Variants in HSF2BP observed in about 807,000 individuals in gnomAD.
HSF2BP encodes the protein heat shock transcription factor 2 binding protein.
In HSF2BP, 35 loss-of-function variants were observed where a neutral mutation model predicts 35.0. The observed-to-expected ratio is 1.00, with a 90% CI of 0.76 to 1.32. HSF2BP has a LOEUF of 1.32. Ranked by LOEUF, HSF2BP falls within the 40% of genes most tolerant of loss-of-function variation. The probability of loss-of-function intolerance (pLI) is 0.00; values close to 1 mark genes in which losing one functional copy is unlikely to be tolerated. For synonymous variants in HSF2BP, 114 were observed against 117.4 expected (o/e 0.97, Z 0.18); for missense variants, 326 against 321.7 (o/e 1.01, Z -0.10).
At position 43,606,837 on chromosome 21, in the gene HSF2BP, G is replaced by C. The variant is rs147407980; in HGVS notation, c.692+6993C>G. Among the ~76,000 whole-genome samples, 370 of 152,158 alleles carry C rather than the reference G, an allele frequency of 2.4e-3. 1 individual carries two copies. Among genetic ancestry groups the C allele is most frequent in the African/African-American group, 8.0e-3 (334 of 41,492 alleles). ...ACTGGTTGCTTGAATTTTCAAGGAG[G>C]AAAAAAATTCGCATGAGATTGGAAG... On this transcript the variant is annotated intron_variant, in intron 7 of 8. Transcript: ENST00000291560.
At chr21:43,653,627 GT>G (rs2082826640) in intron 3 of HSF2BP, among the ~76,000 whole-genome samples, 2 of 152,272 alleles carry the variant, frequency 1.3e-5, no homozygotes, top group South Asian at 4.1e-4. Context: ...TCTGGGTGGG[GT>G]TTTTAGGTTT....
chr21:43,592,532 C>T (rs924131921), intron 7 of HSF2BP, among the ~76,000 whole-genome samples: 7 of 152,090 alleles, frequency 4.6e-5, no homozygotes, highest in Non-Finnish European at 1.5e-5. Flanking sequence ...CACATAATAC[C>T]GCCTTTCATA....
At chr21:43,613,710 A>G in intron 7 of HSF2BP, 120 bp downstream of exon 7, 1 of 729,546 alleles carries the variant, frequency 1.4e-6, no homozygotes, top group East Asian at 2.5e-5. Context: ...CCAGGAATTT[A>G]TTTCTTCTAG....
chr21:43,604,664 CA>C (rs2082103574), intron 7 of HSF2BP, among the ~76,000 whole-genome samples: 1 of 130,662 alleles, frequency 7.7e-6, no homozygotes, highest in African/African-American at 3.1e-5. Context: ...ACACCACACA[CA>C]CACACCACCA....
At chr21:43,594,791 CATA>C (rs2081965919) in intron 7 of HSF2BP, among the ~76,000 whole-genome samples, 1 of 151,722 alleles carries the variant, frequency 6.6e-6, no homozygotes, top group Non-Finnish European at 1.5e-5. Context: ...TTGGAAAAAT[CATA>C]ATAAAAAGAA....
chr21:43,651,346 C>G (rs527871947), intron 3 of HSF2BP, among the ~76,000 whole-genome samples: 1 of 152,318 alleles, frequency 6.6e-6, no homozygotes, highest in African/African-American at 2.4e-5. Flanking sequence ...CATACTCTCA[C>G]TGCCGATCAT....
At chr21:43,641,093 C>T (rs1286390236) in intron 4 of HSF2BP, among the ~76,000 whole-genome samples, 1 of 152,150 alleles carries the variant, frequency 6.6e-6, no homozygotes, top group Admixed American at 6.5e-5. Context: ...CCCAGGTTCA[C>T]GCCATTCTCC....
At chr21:43,638,160 G>A (rs973993502) in intron 4 of HSF2BP, among the ~76,000 whole-genome samples, 2 of 152,076 alleles carry the variant, frequency 1.3e-5, no homozygotes, top group African/African-American at 4.8e-5. Context: ...GTCAAAAAGA[G>A]TTCAGAAAGA....
At chr21:43,578,066 G>T (rs1228413393) in intron 8 of HSF2BP, among the ~76,000 whole-genome samples, 8 of 152,168 alleles carry the variant, frequency 5.3e-5, no homozygotes, top group Admixed American at 5.2e-4. Flanking sequence ...CCTGCACCTT[G>T]TTGCTCACAC....
intron 6 of HSF2BP, among the ~76,000 whole-genome samples, chr21:43,619,508 A>G (rs1568918663): frequency 6.6e-6 from 1 of 152,230 alleles, no homozygotes; most frequent in South Asian, 2.1e-4. Context: ...GACAGCTCTC[A>G]CGGCAACAGA....
At chr21:43,642,210 T>G (rs1601715401) in intron 4 of HSF2BP, among the ~76,000 whole-genome samples, 2 of 152,188 alleles carry the variant, frequency 1.3e-5, no homozygotes, top group African/African-American at 4.8e-5. Context: ...ATTAATTAAT[T>G]AAATTTAGCT....
intron 3 of HSF2BP, among the ~76,000 whole-genome samples, chr21:43,655,997 A>C (rs1394705804): frequency 6.6e-6 from 1 of 152,358 alleles, no homozygotes; most frequent in East Asian, 1.9e-4. Context: ...CTTTACCGTC[A>C]AAGGCTGATT....
intron 5 of HSF2BP, among the ~76,000 whole-genome samples, chr21:43,632,197 C>T (rs1366602245): frequency 9.3e-6 from 1 of 107,418 alleles, no homozygotes; most frequent in Non-Finnish European, 1.8e-5. Context: ...ACACATGCTC[C>T]CCCACACAAA....
intron 7 of HSF2BP, among the ~76,000 whole-genome samples, chr21:43,610,275 AG>A (rs770613103): frequency 1.9e-4 from 29 of 152,076 alleles, no homozygotes; most frequent in Non-Finnish European, 3.1e-4. Flanking sequence ...AAAGACAGAC[AG>A]ATGATAGGTG....
chr21:43,633,168 T>C (rs1180358372), intron 5 of HSF2BP, 104 bp downstream of exon 5: 29 of 1,239,494 alleles, frequency 2.3e-5, no homozygotes, highest in Non-Finnish European at 3.2e-5. Flanking sequence ...CAAAAGAAAA[T>C]GGAAAGATAT....
At chr21:43,496,137 A>G in the HSF2BP span, among the ~76,000 whole-genome samples, 1 of 134,374 alleles carries the variant, frequency 7.4e-6, no homozygotes, top group East Asian at 2.1e-4. Flanking sequence ...CTGTTTGTAC[A>G]CCGAAAACTA....
At chr21:43,622,642 A>G (rs905887494) in intron 6 of HSF2BP, among the ~76,000 whole-genome samples, 5 of 152,234 alleles carry the variant, frequency 3.3e-5, no homozygotes, top group Non-Finnish European at 7.3e-5. Context: ...ATATCTATGC[A>G]CCCAACACAG....
intron 6 of HSF2BP, among the ~76,000 whole-genome samples, chr21:43,627,468 A>G (rs987642613): frequency 2.0e-5 from 3 of 152,232 alleles, no homozygotes; most frequent in African/African-American, 7.2e-5. Flanking sequence ...AACTACACAG[A>G]ACATGCAAAC....
chr21:43,628,774 C>G (rs2082419387), intron 6 of HSF2BP, among the ~76,000 whole-genome samples: 1 of 152,232 alleles, frequency 6.6e-6, no homozygotes. Flanking sequence ...GGCTGACTCT[C>G]TTGTTAGGGG....
Sources: gnomAD v4.1 joint callset for allele counts (sites outside exome capture counted in the v4.1 genomes callset) on GRCh38, gnomAD v4.1.1 for gene constraint, MANE v1.5 for transcripts, NCBI Gene and HGNC (gene_info 2026-07-23, HGNC 2026-07-21) for gene names.